Variants in SEMA5A observed in about 807,000 individuals in gnomAD.
SEMA5A encodes semaphorin 5A, also known as semaphorin-5A.
In SEMA5A, 55 loss-of-function variants were observed where a neutral mutation model predicts 135.5. That is an observed-to-expected ratio of 0.41 (90% CI 0.33 to 0.51). The LOEUF (loss-of-function observed/expected upper bound fraction) is 0.51, where lower values mean the gene tolerates loss of function less well. SEMA5A is among the 20% of genes least tolerant of loss of function. The pLI is 0.37. For synonymous variants in SEMA5A, 580 were observed against 546.5 expected, an observed-to-expected ratio of 1.06 and a Z score of -0.85; for missense variants, 1,290 against 1,419.9, an observed-to-expected ratio of 0.91 and a Z score of 1.47.
intron 16 of SEMA5A, among the ~76,000 whole-genome samples, chr5:9,104,786 T>C (rs990035844): frequency 1.3e-5 from 2 of 152,166 alleles, no homozygotes; most frequent in African/African-American, 4.8e-5. Flanking sequence ...CATGCAGACC[T>C]GGAGAGCAGC....
At chr5:9,101,277 G>A (rs1030992840) in intron 16 of SEMA5A, among the ~76,000 whole-genome samples, 1 of 152,170 alleles carries the variant, frequency 6.6e-6, no homozygotes, top group East Asian at 1.9e-4. Context: ...ACAGTGTAGT[G>A]GGGGAAACAA....
chr5:9,184,804 G>A (rs1378306783), intron 11 of SEMA5A, among the ~76,000 whole-genome samples: 1 of 151,884 alleles, frequency 6.6e-6, no homozygotes, highest in Non-Finnish European at 1.5e-5. Context: ...TGTGGCACAT[G>A]TCCTGCTCCT....
At chr5:9,043,435 T>C (rs1736069684) in intron 22 of SEMA5A, among the ~76,000 whole-genome samples, 1 of 152,208 alleles carries the variant, frequency 6.6e-6, no homozygotes, top group Admixed American at 6.5e-5. Context: ...GGTGAGGACA[T>C]TTATCGGAGA....
intron 1 of SEMA5A, among the ~76,000 whole-genome samples, chr5:9,477,432 A>G (rs1408933247): frequency 6.6e-6 from 1 of 152,186 alleles, no homozygotes; most frequent in Non-Finnish European, 1.5e-5. Context: ...AAGATGGGGG[A>G]AAGTTTGGAA....
At chr5:9,157,486 C>T (rs148288339) in intron 11 of SEMA5A, among the ~76,000 whole-genome samples, 19 of 152,250 alleles carry the variant, frequency 1.2e-4, no homozygotes, top group South Asian at 4.2e-4. Context: ...ATCCCAGGGC[C>T]GATGATGGGA....
intron 5 of SEMA5A, among the ~76,000 whole-genome samples, chr5:9,255,140 A>T (rs1440515733): frequency 1.3e-5 from 2 of 152,210 alleles, no homozygotes; most frequent in East Asian, 3.9e-4. Context: ...GTTTGGAGGT[A>T]AAGACAAAAC....
In SEMA5A at chr5:9,162,408, ATATATG is replaced by A. The variant is rs1357704971; in HGVS notation, c.1274-7719_1274-7714del. 6.2e-3 allele frequency among the ~76,000 whole-genome samples: 725 copies of A among 116,832 alleles called. 9 individuals are homozygous for A. Among genetic ancestry groups the A allele is most frequent in the African/African-American group, 0.028 (696 of 24,962 alleles). 76.6% of individuals were successfully genotyped at this position (116,832 alleles called of 152,430 possible). On this transcript the variant is annotated intron_variant, in intron 11 of 22. Coordinates refer to ENST00000382496, the MANE Select transcript of SEMA5A (RefSeq NM_003966.3). ...TGTGTGTGTGTGTGTGTGTGTGTAT[ATATATG>A]TGTGTGTATATATATGTATATATAT...
chr5:9,200,330 C>G (rs1745636008), intron 9 of SEMA5A, among the ~76,000 whole-genome samples: 1 of 152,154 alleles, frequency 6.6e-6, no homozygotes, highest in Admixed American at 6.5e-5. Flanking sequence ...TTGCAATATT[C>G]CAGGCATGGT....
At chr5:9,422,448 G>A (rs1403037886) in intron 2 of SEMA5A, 1 of 152,134 alleles carries the variant, frequency 6.6e-6, no homozygotes, top group Non-Finnish European at 1.5e-5. Context: ...GGAGGAGAGA[G>A]CTGTTTATAT....
intron 1 of SEMA5A, among the ~76,000 whole-genome samples, chr5:9,445,247 C>A (rs146385465): frequency 3.9e-5 from 6 of 152,040 alleles, no homozygotes. Context: ...CCTTTGGAAT[C>A]GCTTTTCCCC....
At chr5:9,253,042 C>T (rs1748883954) in intron 5 of SEMA5A, among the ~76,000 whole-genome samples, 1 of 152,168 alleles carries the variant, frequency 6.6e-6, no homozygotes. Context: ...GGTCTCAGGG[C>T]TGACAATAAC....
At chr5:9,445,397 C>T (rs549209123) in intron 1 of SEMA5A, among the ~76,000 whole-genome samples, 24 of 151,484 alleles carry the variant, frequency 1.6e-4, no homozygotes, top group Non-Finnish European at 2.9e-4. Flanking sequence ...GGGCCGGGCA[C>T]GGTGGCTCAC....
chr5:9,497,385 C>T (rs1338212233), intron 1 of SEMA5A, among the ~76,000 whole-genome samples: 3 of 152,186 alleles, frequency 2.0e-5, no homozygotes, highest in Admixed American at 6.5e-5. Context: ...ACAGTCCATA[C>T]GGTTCAGACA....
At chr5:9,338,918 G>A (rs1753518338) in intron 3 of SEMA5A, among the ~76,000 whole-genome samples, 1 of 152,138 alleles carries the variant, frequency 6.6e-6, no homozygotes, top group South Asian at 2.1e-4. Context: ...GAATGGTTCT[G>A]TATAATAAAC....
Position 9,445,950 on chromosome 5 carries a change from T to C in SEMA5A, c.-174-8098A>G, listed in dbSNP as rs190445167. ...CATGAAAGAGAAATACTCTTCCCAC[T>C]TGGAGCCTTCATGCCCAGATCCAGC... On this transcript the variant is annotated intron_variant, in intron 1 of 22. Coordinates refer to ENST00000382496, the MANE Select transcript of SEMA5A (RefSeq NM_003966.3). Among the ~76,000 whole-genome samples the C allele has an allele frequency of 1.7e-3, 252 of 152,332 alleles. 2 individuals carry two copies. The highest frequency in any genetic ancestry group is 5.9e-3 in the African/African-American group (244 of 41,580).
chr5:9,332,668 T>C (rs1561156634), intron 4 of SEMA5A, among the ~76,000 whole-genome samples: 1 of 152,186 alleles, frequency 6.6e-6, no homozygotes, highest in Non-Finnish European at 1.5e-5. Flanking sequence ...GGTACTCACA[T>C]TACATCAGGT....
chr5:9,150,491 C>T (rs1387890388), intron 12 of SEMA5A, among the ~76,000 whole-genome samples: 1 of 152,112 alleles, frequency 6.6e-6, no homozygotes, highest in Non-Finnish European at 1.5e-5. Context: ...AAAATGCTAA[C>T]ATCAAAACAC....
chr5:9,088,668 A>T (rs1738864745), intron 16 of SEMA5A, among the ~76,000 whole-genome samples: 1 of 147,038 alleles, frequency 6.8e-6, no homozygotes, highest in Non-Finnish European at 1.5e-5. Context: ...ATACACACAC[A>T]CACTCATGGA....
In SEMA5A at chr5:9,123,258, C is replaced by CAAAAAAAAAAAAAAAAAAAAAAA. The variant is rs57533658; in HGVS notation, c.1600-444_1600-422dup. On this transcript the variant is annotated intron_variant, in intron 13 of 22. Coordinates refer to ENST00000382496, the MANE Select transcript of SEMA5A (RefSeq NM_003966.3). ...TGAGGGAAGGAGCGAGACTCCGCCT[C>CAAAAAAAAAAAAAAAAAAAAAAA]AAAAAAAAAAAAAAAAAAAAAAAAA... Among the ~76,000 whole-genome samples the CAAAAAAAAAAAAAAAAAAAAAAA allele has an allele frequency of 5.1e-5, 2 of 38,926 alleles. 1 individual carries two copies. Among genetic ancestry groups the CAAAAAAAAAAAAAAAAAAAAAAA allele is most frequent in the Non-Finnish European group, 1.3e-4 (2 of 15,804 alleles). The allele number at this position is 38,926 out of a possible 152,430, so 25.5% of individuals were successfully genotyped here.
Sources: gnomAD v4.1 joint callset for allele counts (sites outside exome capture counted in the v4.1 genomes callset) on GRCh38, gnomAD v4.1.1 for gene constraint, MANE v1.5 for transcripts, NCBI Gene and HGNC (gene_info 2026-07-23, HGNC 2026-07-21) for gene names.